Variants in RBM27 observed in about 807,000 individuals in gnomAD.
RBM27 encodes the protein RNA binding motif protein 27, also known as RNA-binding protein 27.
In RBM27, 22 loss-of-function variants were observed where a neutral mutation model predicts 135.3. The observed-to-expected ratio is 0.16, with a 90% confidence interval of 0.12 to 0.23. The LOEUF is 0.23. Ranked by LOEUF, RBM27 falls within the 10% of genes least tolerant of loss-of-function variation. The probability of loss-of-function intolerance (pLI) is 1.00; values close to 1 mark genes in which losing one functional copy is unlikely to be tolerated. For missense variants in RBM27, 1,009 were observed against 1,281.0 expected (o/e 0.79, Z 3.24); for synonymous variants, 481 against 442.4 (o/e 1.09, Z -1.10).
At chr5:146,207,812 G>A (rs375368794) in intron 1 of RBM27, among the ~76,000 whole-genome samples, 1 of 150,516 alleles carries the variant, frequency 6.6e-6, no homozygotes, top group East Asian at 2.0e-4. Context: ...GTGCCACCAT[G>A]CCTGGCTAAT....
intron 1 of RBM27, among the ~76,000 whole-genome samples, chr5:146,213,531 A>C (rs1028605355): frequency 6.6e-6 from 1 of 152,218 alleles, no homozygotes; most frequent in Non-Finnish European, 1.5e-5. Flanking sequence ...GATGGAACTT[A>C]AAATTAGATC....
intron 1 of RBM27, among the ~76,000 whole-genome samples, chr5:146,211,551 G>A (rs1365305787): frequency 2.1e-5 from 3 of 139,868 alleles, no homozygotes; most frequent in Admixed American, 7.8e-5. Context: ...GCATGATCTC[G>A]GCTCACCACA....
intron 5 of RBM27, 42 bp downstream of exon 5, chr5:146,229,952 ATCTGTC>A: frequency 6.2e-7 from 1 of 1,602,400 alleles, no homozygotes; most frequent in Non-Finnish European, 8.5e-7. Flanking sequence ...GTAGTTATTT[ATCTGTC>A]TCTATCACAG....
Position 146,251,713 on chromosome 5 carries a change from C to A in RBM27, c.1282C>A (p.Gln428Lys). Reference protein sequence around the residue: ...QNLLYTVSERQPMYSREHGAA... With the variant: ...QNLLYTVSERKPMYSREHGAA... ...CCCTCCTATTCTTTCCTCTATAGGACAGCCCATGTACTCTCGTGAACATGG... is the reference window on the plus strand; with the variant it reads ...CCCTCCTATTCTTTCCTCTATAGGAAAGCCCATGTACTCTCGTGAACATGG... Residue 428 changes from glutamine (Q) to lysine (K), a missense_variant and splice_region_variant, in exon 9 of 21, where the codon CAG becomes AAG. By Grantham distance (53) the Gln-to-Lys change is moderately conservative. Transcript: ENST00000265271. 6.2e-7 allele frequency: 1 copy of A among 1,607,530 alleles called. No individual in the cohort carries two copies. Among genetic ancestry groups the A allele is most frequent in the Non-Finnish European group, 8.5e-7 (1 of 1,173,996 alleles).
rs1433785113 is a variant in RBM27, at chr5:146,263,716, A to G, written c.2331+85A>G. ...ATCAGTTATCATTCAGACAGTGAAG[A>G]CAGTTGTGACAGTTAACCTAAGTGT... is the stretch of plus-strand genomic sequence containing the variant. On this transcript the variant is annotated intron_variant, in intron 14 of 20. Coordinates refer to ENST00000265271, the MANE Select transcript of RBM27 (RefSeq NM_018989.2). The G allele has an allele frequency of 4.9e-6, 7 of 1,426,692 alleles. No individual in the cohort carries two copies. The African/African-American group carries it at 8.5e-5, about 17-fold the overall frequency. 88.4% of individuals were successfully genotyped at this position (1,426,692 alleles called of 1,614,324 possible). A position where few individuals can be genotyped will look rare whatever the true frequency, so the allele number is the denominator to read the frequency against.
chr5:146,208,262 G>T (rs1483421998), intron 1 of RBM27, among the ~76,000 whole-genome samples: 8 of 152,150 alleles, frequency 5.3e-5, no homozygotes, highest in Non-Finnish European at 7.3e-5. Flanking sequence ...CCAACAGGAG[G>T]TATTTCTAAA....
At chr5:146,268,582 T>C (rs968252394) in intron 15 of RBM27, among the ~76,000 whole-genome samples, 4 of 151,696 alleles carry the variant, frequency 2.6e-5, no homozygotes, top group African/African-American at 9.7e-5. Flanking sequence ...GTCACTTTTT[T>C]CTTTTCTTTT....
At chr5:146,247,253 C>A (rs138456470) in intron 8 of RBM27, among the ~76,000 whole-genome samples, 1 of 152,110 alleles carries the variant, frequency 6.6e-6, no homozygotes, top group Non-Finnish European at 1.5e-5. Context: ...AATATAGTAG[C>A]ATTTCATCTG....
intron 7 of RBM27, 47 bp downstream of exon 7, chr5:146,233,790 A>G (rs1191236237): frequency 3.1e-6 from 4 of 1,298,160 alleles, no homozygotes; most frequent in Non-Finnish European, 4.0e-6. Context: ...TGTTTAGAAG[A>G]ACCTCATCCC....
At chr5:146,203,925 C>G (rs920667818) in intron 1 of RBM27, 101 bp downstream of exon 1, 49 of 1,176,016 alleles carry the variant, frequency 4.2e-5, no homozygotes, top group Non-Finnish European at 5.2e-5. Context: ...GCTGAGGGGC[C>G]GCGGCCGGGA....
chr5:146,277,780 A>G (rs1581242297), intron 19 of RBM27, among the ~76,000 whole-genome samples: 1 of 148,846 alleles, frequency 6.7e-6, no homozygotes, highest in South Asian at 2.1e-4. Flanking sequence ...GTGACCTCCC[A>G]CCTCGGCCTC....
intron 1 of RBM27, among the ~76,000 whole-genome samples, chr5:146,211,289 A>G (rs756993696): frequency 1.3e-5 from 2 of 152,006 alleles, no homozygotes; most frequent in East Asian, 1.9e-4. Flanking sequence ...CAAAAAATAA[A>G]TAAATACTAA....
intron 11 of RBM27, 100 bp downstream of exon 11, chr5:146,258,693 T>C: frequency 2.7e-6 from 3 of 1,125,350 alleles, no homozygotes; most frequent in Non-Finnish European, 3.5e-6. Flanking sequence ...TTTTTCAAAC[T>C]AGGTATCTTG....
rs371782176 is a variant in RBM27, at chr5:146,284,660, A to G, written c.3027A>G (p.Leu1009=). ...GGCCAAAATTTAAAGACCGTCGGCT[A>G]CAGATATCATGGCACAAGCCCAAGG... The part of the protein sequence containing the change: ...NQGPKFKDRR[L]QISWHKPKVP... The change falls in exon 20 of 21, where the codon CTA becomes CTG. Residue 1009 remains leucine, a synonymous_variant. Coordinates refer to ENST00000265271, the MANE Select transcript of RBM27 (RefSeq NM_018989.2). 4.3e-6 allele frequency: 7 copies of G among 1,613,526 alleles called. No homozygotes were observed. Among genetic ancestry groups the G allele is most frequent in the Non-Finnish European group, 5.9e-6 (7 of 1,179,662 alleles).
At chr5:146,265,155 G>GATATACTCTTTATA (rs1326141169) in intron 14 of RBM27, among the ~76,000 whole-genome samples, 1 of 152,076 alleles carries the variant, frequency 6.6e-6, no homozygotes, top group African/African-American at 2.4e-5. Context: ...GGCTAGTAAT[G>GATATACTCTTTATA]ATATACTCTT....
intron 3 of RBM27, among the ~76,000 whole-genome samples, chr5:146,225,865 C>T (rs1174788741): frequency 6.6e-6 from 1 of 151,628 alleles, no homozygotes. Context: ...CAGCTGGCCA[C>T]CTTTCTGGTT....
chr5:146,236,930 C>CTTTTTTTT (rs36073661), intron 7 of RBM27, among the ~76,000 whole-genome samples: 1 of 47,166 alleles, frequency 2.1e-5, no homozygotes, highest in Non-Finnish European at 4.0e-5. Context: ...TATGATGGTC[C>CTTTTTTTT]TTTTTTTTTT....
intron 2 of RBM27, among the ~76,000 whole-genome samples, chr5:146,220,489 A>AAATATATAT (rs1554078215): frequency 1.9e-5 from 2 of 104,918 alleles, no homozygotes; most frequent in African/African-American, 6.1e-5. Context: ...AAAAAAAAAA[A>AAATATATAT]ATATATATAT....
At position 146,288,524 on chromosome 5, in the gene RBM27, AT is replaced by A. The variant is rs1759671966; in HGVS notation, c.*2497del. ...ATATATATCCCCTGCCCCCTTTGGGATTTACTTCCACCATCAAATCTTCAAC... is the reference window on the plus strand; with the variant it reads ...ATATATATCCCCTGCCCCCTTTGGGATTACTTCCACCATCAAATCTTCAAC... On this transcript the variant is annotated 3_prime_UTR_variant, in exon 21 of 21. Coordinates refer to ENST00000265271, the MANE Select transcript of RBM27 (RefSeq NM_018989.2). 1 of 152,054 alleles carries A rather than the reference AT, an allele frequency of 6.6e-6. No homozygotes were observed. Among genetic ancestry groups the A allele is most frequent in the African/African-American group, 2.4e-5 (1 of 41,446 alleles). The allele number at this position is 152,054 out of a possible 1,614,324, so 9.4% of individuals were successfully genotyped here. A position where few individuals can be genotyped will look rare whatever the true frequency, so the allele number is the denominator to read the frequency against.
Sources: gnomAD v4.1 joint callset for allele counts (sites outside exome capture counted in the v4.1 genomes callset) on GRCh38, gnomAD v4.1.1 for gene constraint, MANE v1.5 for transcripts, NCBI Gene and HGNC (gene_info 2026-07-23, HGNC 2026-07-21) for gene names.